SLC5A4: variants seen among roughly 807,000 people sequenced by gnomAD.
SLC5A4 encodes the protein probable glucose sensor protein SLC5A4.
A neutral mutation model predicts 70.3 loss-of-function variants in SLC5A4; 55 were observed. The observed-to-expected ratio is 0.78, with a 90% CI of 0.63 to 0.98. SLC5A4 has a LOEUF of 0.98. SLC5A4 is among the 50% of genes least tolerant of loss of function. The pLI is 0.00. For synonymous variants in SLC5A4, 268 were observed against 305.7 expected (o/e 0.88, Z 1.29); for missense variants, 735 against 839.2 (o/e 0.88, Z 1.53).
chr22:32,272,267 C>G, the SLC5A4 span: 1 of 803,126 alleles, frequency 1.2e-6, no homozygotes, highest in Non-Finnish European at 2.2e-6. Context: ...AGCCCTTGAC[C>G]AAGAACAAGT....
At chr22:32,324,349 T>TA in the SLC5A4 span, among the ~76,000 whole-genome samples, 11 of 151,578 alleles carry the variant, frequency 7.3e-5, no homozygotes, top group South Asian at 1.9e-3. Context: ...AATGACTTTT[T>TA]AAAAAAAACA....
chr22:32,290,555 A>C, the SLC5A4 span, among the ~76,000 whole-genome samples: 1 of 152,180 alleles, frequency 6.6e-6, no homozygotes, highest in Non-Finnish European at 1.5e-5. Context: ...TGATTTTTTC[A>C]TAACAATTTC....
the SLC5A4 span, among the ~76,000 whole-genome samples, chr22:32,315,723 CAAT>C: frequency 0.041 from 5,533 of 135,554 alleles, 321 homozygotes; most frequent in African/African-American, 0.14. Context: ...GCCTATCAAA[CAAT>C]GATGACAGAA....
chr22:32,222,653 A>G (rs1232762094), intron 13 of SLC5A4, among the ~76,000 whole-genome samples: 1 of 152,176 alleles, frequency 6.6e-6, no homozygotes, highest in African/African-American at 2.4e-5. Context: ...ATTCAGCGTA[A>G]ATATTTAGTT....
chr22:32,333,813 T>C, the SLC5A4 span, among the ~76,000 whole-genome samples: 174 of 142,254 alleles, frequency 1.2e-3, no homozygotes, highest in Non-Finnish European at 1.5e-3. Context: ...CCACACAATA[T>C]CACACACACA....
chr22:32,351,103 A>G, the SLC5A4 span, among the ~76,000 whole-genome samples: 8 of 152,300 alleles, frequency 5.3e-5, no homozygotes, highest in African/African-American at 1.4e-4. Flanking sequence ...TTGCTTATGC[A>G]GATGACAATA....
chr22:32,300,216 A>C, the SLC5A4 span, among the ~76,000 whole-genome samples: 1 of 152,004 alleles, frequency 6.6e-6, no homozygotes, highest in Non-Finnish European at 1.5e-5. Flanking sequence ...TTGTTTACCT[A>C]ATCAAGCCTG....
In SLC5A4 at chr22:32,251,878, G is replaced by A. The variant is rs1037753921; in HGVS notation, c.208-4C>T. 1 of 1,599,404 alleles carries A rather than the reference G, an allele frequency of 6.3e-7. No individual in the cohort carries two copies. The highest frequency in any genetic ancestry group is 1.3e-5 in the African/African-American group (1 of 74,740). On this transcript the variant is annotated splice_polypyrimidine_tract_variant and splice_region_variant and intron_variant, in intron 2 of 14. Transcript: ENST00000266086. Reference sequence around the variant, plus strand: ...TGGCAAAGAGAGAGGCGCCCATCTGGAATGCAAGAGAACAGACTAGGGTTG... The same window carrying A: ...TGGCAAAGAGAGAGGCGCCCATCTGAAATGCAAGAGAACAGACTAGGGTTG...
At chr22:32,274,489 C>T in the SLC5A4 span, among the ~76,000 whole-genome samples, 1 of 152,054 alleles carries the variant, frequency 6.6e-6, no homozygotes, top group South Asian at 2.1e-4. Context: ...TCATGGCCCA[C>T]TTACACTCTA....
the SLC5A4 span, among the ~76,000 whole-genome samples, chr22:32,352,348 C>A: frequency 6.6e-6 from 1 of 150,982 alleles, no homozygotes; most frequent in Non-Finnish European, 1.5e-5. Flanking sequence ...AGCACACCAA[C>A]ATGGCACATG....
At chr22:32,255,076 G>C (rs1383448143) in intron 1 of SLC5A4, 119 bp downstream of exon 1, 1 of 950,042 alleles carries the variant, frequency 1.1e-6, no homozygotes, top group African/African-American at 1.6e-5. Flanking sequence ...ACAAGAAAAT[G>C]ATTCTGATAA....
At chr22:32,299,135 G>T in the SLC5A4 span, among the ~76,000 whole-genome samples, 4 of 89,192 alleles carry the variant, frequency 4.5e-5, no homozygotes, top group African/African-American at 1.3e-4. Context: ...TATGTGTCTT[G>T]GAGTTGCTCT....
chr22:32,271,444 C>T, the SLC5A4 span: 1 of 765,192 alleles, frequency 1.3e-6, no homozygotes, highest in Non-Finnish European at 2.4e-6. Flanking sequence ...CCCCACGACT[C>T]TCGGCTCAGC....
chr22:32,255,586 T>G (rs748949975), upstream of SLC5A4, among the ~76,000 whole-genome samples: 3 of 151,868 alleles, frequency 2.0e-5, no homozygotes, highest in Non-Finnish European at 2.9e-5. Flanking sequence ...GTTCTCTGAG[T>G]GCAAAGACAG....
chr22:32,308,349 G>A, the SLC5A4 span, among the ~76,000 whole-genome samples: 26 of 152,338 alleles, frequency 1.7e-4, no homozygotes, highest in East Asian at 1.7e-3. Flanking sequence ...CGGTGATTGC[G>A]AAGGCAGCCA....
chr22:32,219,630 C>CAAAAAAAAAAAAAAAAAAAAAAAAAAAA lies in SLC5A4; in HGVS notation c.1769-906_1769-905insTTTTTTTTTTTTTTTTTTTTTTTTTTTT. On this transcript the variant is annotated intron_variant, in intron 14 of 14. Transcript: ENST00000266086. ...ATGAATGAGTTAATATCCAACTTAG[C>CAAAAAAAAAAAAAAAAAAAAAAAAAAAA]AAAAAAAAAAAAAAAAAAAAAAGAA... 3.1e-4 allele frequency among the ~76,000 whole-genome samples: 9 copies of CAAAAAAAAAAAAAAAAAAAAAAAAAAAA among 28,860 alleles called. 1 individual carries two copies. The highest frequency in any genetic ancestry group is 7.7e-4 in the African/African-American group (3 of 3,884). 18.9% of individuals were successfully genotyped at this position (28,860 alleles called of 152,430 possible).
At chr22:32,353,397 T>C in the SLC5A4 span, among the ~76,000 whole-genome samples, 2 of 151,898 alleles carry the variant, frequency 1.3e-5, no homozygotes, top group Admixed American at 6.6e-5. Flanking sequence ...CCGCAACACA[T>C]AGAGGGCGCG....
upstream of SLC5A4, chr22:32,255,350 C>A: frequency 6.2e-7 from 1 of 1,610,478 alleles, no homozygotes; most frequent in Non-Finnish European, 8.5e-7. Flanking sequence ...AGTGCTATAC[C>A]CATTCCACGC....
chr22:32,305,138 C>T, the SLC5A4 span, among the ~76,000 whole-genome samples: 89 of 152,078 alleles, frequency 5.9e-4, no homozygotes, highest in African/African-American at 2.1e-3. Flanking sequence ...TGTACCGAGA[C>T]CTTAATTTGG....
Sources: gnomAD v4.1 joint callset for allele counts (sites outside exome capture counted in the v4.1 genomes callset) on GRCh38, gnomAD v4.1.1 for gene constraint, MANE v1.5 for transcripts, NCBI Gene and HGNC (gene_info 2026-07-23, HGNC 2026-07-21) for gene names.